Variants in BMX observed in about 807,000 individuals in gnomAD.
BMX encodes cytoplasmic tyrosine-protein kinase BMX.
In BMX, 31 loss-of-function variants were observed where a neutral mutation model predicts 59.2. The ratio of observed to expected loss-of-function variants is 0.52; its 90% CI spans 0.39 to 0.71. The LOEUF is 0.71. Ranked by LOEUF, BMX falls within the 30% of genes least tolerant of loss-of-function variation. BMX has a pLI of 0.00. For missense variants in BMX, 474 were observed against 491.7 expected, an observed-to-expected ratio of 0.96 and a Z score of 0.34; for synonymous variants, 185 against 181.0, an observed-to-expected ratio of 1.02 and a Z score of -0.18.
At chrX:15,536,296 A>G in intron 12 of BMX, 57 bp from the exon 13 acceptor site, 3 of 1,135,389 alleles carry the variant, frequency 2.6e-6, no homozygotes, top group Non-Finnish European at 2.4e-6. Context: ...CCAATGTTAC[A>G]TAATGTGATG....
At chrX:15,501,934 G>A (rs1048453557) in intron 1 of BMX, among the ~76,000 whole-genome samples, 7 of 111,823 alleles carry the variant, frequency 6.3e-5, no homozygotes, top group Non-Finnish European at 1.3e-4. Context: ...GCTGGGGACA[G>A]AGGGATGAGA....
intron 10 of BMX, 110 bp from the exon 11 acceptor site, chrX:15,531,218 T>A: frequency 1.6e-6 from 1 of 606,587 alleles, no homozygotes; most frequent in Non-Finnish European, 2.7e-6. Context: ...CCTTTTGTGA[T>A]ATATAAAGTC....
At chrX:15,526,639 G>C (rs1924742733) in intron 9 of BMX, among the ~76,000 whole-genome samples, 1 of 103,805 alleles carries the variant, frequency 9.6e-6, no homozygotes, top group Non-Finnish European at 2.0e-5. Flanking sequence ...AGGCTGGAGT[G>C]CAGTGGCATG....
chrX:15,526,008 T>A lies in BMX; in HGVS notation c.831-34T>A, dbSNP rs191515727. ...GCACTTGGATTATTTCTTGGTGCTTTTCTGCACTCACGTTTTTCTCAACTC... is the reference window on the plus strand; with the variant it reads ...GCACTTGGATTATTTCTTGGTGCTTATCTGCACTCACGTTTTTCTCAACTC... On this transcript the variant is annotated intron_variant, in intron 8 of 18. Transcript: ENST00000348343. 1.6e-4 allele frequency: 193 copies of A among 1,176,395 alleles called. 1 individual carries two copies. In the African/African-American group the frequency reaches 3.1e-3, roughly 19 times the overall value.
chrX:15,530,888 C>T (rs1925036391), intron 10 of BMX, among the ~76,000 whole-genome samples: 1 of 111,955 alleles, frequency 8.9e-6, no homozygotes, highest in South Asian at 3.7e-4. Context: ...CGTTTTGTCA[C>T]ATTCATAGTT....
At chrX:15,541,044 A>G (rs1231497517) in intron 14 of BMX, among the ~76,000 whole-genome samples, 3 of 14,023 alleles carry the variant, frequency 2.1e-4, no homozygotes, top group African/African-American at 8.3e-4. Context: ...CACAAATGGA[A>G]AAAAAAAAAA....
intron 18 of BMX, among the ~76,000 whole-genome samples, chrX:15,552,997 C>T (rs906419065): frequency 8.9e-6 from 1 of 112,015 alleles, no homozygotes; most frequent in Non-Finnish European, 1.9e-5. Flanking sequence ...TAAACATTTC[C>T]GTATTCAGAC....
At chrX:15,505,396 C>G (rs16979935) in intron 1 of BMX, among the ~76,000 whole-genome samples, 1,990 of 111,884 alleles carry the variant, frequency 0.018, 39 homozygotes, top group African/African-American at 0.061. Context: ...GACTGTTCCT[C>G]TTGGATGGGT....
chrX:15,517,105 A>G (rs995158692), intron 5 of BMX, among the ~76,000 whole-genome samples: 3 of 111,609 alleles, frequency 2.7e-5, no homozygotes, highest in South Asian at 3.8e-4. Flanking sequence ...GATACCCAAC[A>G]ATCATGTTAA....
chrX:15,525,334 A>C lies in BMX; in HGVS notation c.799A>C (p.Asn267His), dbSNP rs1252385673. ...DVASSNQKER[N>H]VNHTTSKISW... is the part of the protein sequence containing the mutation. ...TGCAAGCAGTAACCAAAAAGAAAGA[A>C]ATGTGAATCACACCACCTCAAAGAT... is the stretch of plus-strand genomic sequence containing the variant. Residue 267 changes from asparagine to histidine, a missense_variant, in exon 8 of 19, where the codon AAT becomes CAT. Asn to His is a moderately conservative substitution (Grantham distance 68). Coordinates refer to ENST00000348343, the MANE Select transcript of BMX (RefSeq NM_203281.3). The C allele has an allele frequency of 3.3e-6, 4 of 1,210,114 alleles. No individual in the cohort carries two copies. The highest frequency in any genetic ancestry group is 4.5e-6 in the Non-Finnish European group (4 of 894,083).
Position 15,546,841 on chromosome X carries a change from C to T in BMX, c.1715C>T (p.Thr572Ile). The T allele has an allele frequency of 8.3e-7, 1 of 1,210,764 alleles. No individual in the cohort carries two copies. Among genetic ancestry groups the T allele is most frequent in the Non-Finnish European group, 1.1e-6 (1 of 894,955 alleles). The change falls in exon 17 of 19, where the codon ACA (threonine) becomes ATA (isoleucine). Residue 572 changes from threonine to isoleucine, a missense_variant. Physicochemically the swap from Thr to Ile is moderately conservative, Grantham distance 89 (BLOSUM62 -1). Coordinates refer to ENST00000348343, the MANE Select transcript of BMX (RefSeq NM_203281.3). ...GACCAGTATGTCAGTTCAGTCGGAA[C>T]AAAGTTTCCAGTCAAGTGGTCAGCT... ...LDDQYVSSVGTKFPVKWSAPE... is the reference protein window; with the variant it reads ...LDDQYVSSVGIKFPVKWSAPE...
At chrX:15,536,899 C>A (rs1467767248) in intron 13 of BMX, among the ~76,000 whole-genome samples, 1 of 111,530 alleles carries the variant, frequency 9.0e-6, no homozygotes, top group Non-Finnish European at 1.9e-5. Context: ...TTACTCTGAG[C>A]CTTCTTGTTA....
chrX:15,547,809 T>C (rs915412792), intron 17 of BMX, among the ~76,000 whole-genome samples: 1 of 112,252 alleles, frequency 8.9e-6, no homozygotes, highest in Non-Finnish European at 1.9e-5. Flanking sequence ...TTTTATGATA[T>C]TTTTTCTATG....
chrX:15,535,641 A>G (rs1040293501), intron 12 of BMX, among the ~76,000 whole-genome samples: 9 of 111,743 alleles, frequency 8.1e-5, no homozygotes, highest in African/African-American at 2.3e-4. Flanking sequence ...GAAATGTACT[A>G]ATTTTTACAT....
chrX:15,549,271 A>G (rs927843851), intron 17 of BMX, among the ~76,000 whole-genome samples: 2 of 111,980 alleles, frequency 1.8e-5, no homozygotes, highest in African/African-American at 6.5e-5. Flanking sequence ...AGTGGCTTTC[A>G]TCAGATTCCC....
intron 4 of BMX, among the ~76,000 whole-genome samples, chrX:15,515,239 A>C (rs1024278885): frequency 9.1e-6 from 1 of 110,192 alleles, no homozygotes. Context: ...TGATGGGTGC[A>C]GCAAACCACC....
intron 8 of BMX, 63 bp from the exon 9 acceptor site, chrX:15,525,979 C>A: frequency 1.0e-6 from 1 of 977,750 alleles, no homozygotes; most frequent in Non-Finnish European, 1.4e-6. Context: ...TATTGCATGG[C>A]TACGCACTTG....
chrX:15,546,748 C>T, intron 16 of BMX, 55 bp from the exon 17 acceptor site: 1 of 1,036,155 alleles, frequency 9.7e-7, no homozygotes, highest in Non-Finnish European at 1.3e-6. Context: ...CCGTGTCCTT[C>T]ATCAGCCTGT....
chrX:15,509,268 C>G (rs1408880834), intron 2 of BMX, 61 bp from the exon 3 acceptor site: 8 of 676,870 alleles, frequency 1.2e-5, no homozygotes, highest in Non-Finnish European at 1.5e-5. Context: ...GGGCTTTATG[C>G]CTTTCCTTGT....
Sources: allele counts gnomAD v4.1 joint callset (sites outside exome capture counted in the v4.1 genomes callset), GRCh38; gene constraint gnomAD v4.1.1; transcripts MANE v1.5; gene names NCBI Gene and HGNC (gene_info 2026-07-23, HGNC 2026-07-21).